Variants in MYO16 observed in about 807,000 individuals in gnomAD.
MYO16 encodes the protein unconventional myosin-XVI.
MYO16 carries 94 observed loss-of-function variants against 205.3 expected under a neutral mutation model. The observed-to-expected ratio is 0.46, with a 90% CI of 0.39 to 0.54. The LOEUF is 0.54. Among genes scored for constraint, MYO16 ranks in the 20% least tolerant of loss-of-function variants. The probability of loss-of-function intolerance (pLI) is 0.00; values close to 1 mark genes in which losing one functional copy is unlikely to be tolerated. For missense variants in MYO16, 2,315 were observed against 2,387.5 expected, an observed-to-expected ratio of 0.97 and a Z score of 0.63; for synonymous variants, 988 against 954.0, an observed-to-expected ratio of 1.04 and a Z score of -0.66.
At chr13:109,020,907 A>G (rs1241734536) in intron 23 of MYO16, among the ~76,000 whole-genome samples, 4 of 152,198 alleles carry the variant, frequency 2.6e-5, no homozygotes, top group African/African-American at 9.6e-5. Flanking sequence ...GCCTTCAAAT[A>G]TCTCAGCTTC....
At chr13:108,830,533 T>A (rs77343231) in intron 9 of MYO16, among the ~76,000 whole-genome samples, 3,781 of 147,398 alleles carry the variant, frequency 0.026, 128 homozygotes, top group East Asian at 0.11. Flanking sequence ...CACCGCATAT[T>A]CTCACTCATA....
chr13:108,971,471 G>A, intron 20 of MYO16, among the ~76,000 whole-genome samples: 1 of 150,344 alleles, frequency 6.7e-6, no homozygotes, highest in Non-Finnish European at 1.5e-5. Flanking sequence ...TAATCCTATA[G>A]AGGGTTATTT....
intron 23 of MYO16, among the ~76,000 whole-genome samples, chr13:109,035,155 A>G (rs865995790): frequency 2.3e-5 from 3 of 128,708 alleles, no homozygotes; most frequent in Admixed American, 8.7e-5. Context: ...TACCACAATA[A>G]CCAGGGATTT....
chr13:108,973,748 G>A (rs905798280), intron 20 of MYO16, among the ~76,000 whole-genome samples: 1 of 152,154 alleles, frequency 6.6e-6, no homozygotes, highest in Non-Finnish European at 1.5e-5. Flanking sequence ...GCATCTGACA[G>A]CACTTAAGAG....
intron 13 of MYO16, among the ~76,000 whole-genome samples, chr13:108,883,407 T>C (rs888096852): frequency 1.3e-5 from 2 of 152,214 alleles, no homozygotes; most frequent in African/African-American, 4.8e-5. Flanking sequence ...AAACTTAACC[T>C]GAAACTCATT....
chr13:109,115,064 AATGCTAT>A (rs1315027419), intron 28 of MYO16, among the ~76,000 whole-genome samples: 1 of 151,972 alleles, frequency 6.6e-6, no homozygotes, highest in Non-Finnish European at 1.5e-5. Context: ...TTCCTTTGTA[AATGCTAT>A]TTCAAAAGTA....
At chr13:109,200,580 G>T (rs1413193236) in intron 34 of MYO16, among the ~76,000 whole-genome samples, 3 of 152,000 alleles carry the variant, frequency 2.0e-5, no homozygotes, top group Non-Finnish European at 4.4e-5. Context: ...CTTTTATAAG[G>T]TACTTGGGAA....
intron 32 of MYO16, among the ~76,000 whole-genome samples, chr13:109,150,486 G>T (rs1484955615): frequency 1.3e-5 from 2 of 152,078 alleles, no homozygotes; most frequent in Non-Finnish European, 2.9e-5. Context: ...GATCAAAAAG[G>T]TACCCTATGA....
In MYO16 at chr13:108,924,313, G is replaced by C. The variant is rs1261933978; in HGVS notation, c.1925+14163G>C. ...CAATCTAAACGAAGCTTCCAAAACAGCTTAGAGCTGAGCTCCTGCTTTTCT... is the reference window on the plus strand; with the variant it reads ...CAATCTAAACGAAGCTTCCAAAACACCTTAGAGCTGAGCTCCTGCTTTTCT... On this transcript the variant is annotated intron_variant, in intron 16 of 34. Coordinates refer to ENST00000457511, the MANE Select transcript of MYO16 (RefSeq NM_001198950.3). Among the ~76,000 whole-genome samples, 3 of 152,204 alleles carry C rather than the reference G, an allele frequency of 2.0e-5. No homozygotes were observed. In the East Asian group the frequency reaches 5.8e-4, roughly 29 times the overall value.
the MYO16 span, among the ~76,000 whole-genome samples, chr13:108,581,122 A>G: frequency 2.1e-5 from 3 of 142,662 alleles, no homozygotes; most frequent in Non-Finnish European, 4.6e-5. Context: ...AATACAGTAC[A>G]TATAAACATT....
chr13:109,045,059 A>G (rs112968933), intron 23 of MYO16, among the ~76,000 whole-genome samples: 5 of 152,184 alleles, frequency 3.3e-5, no homozygotes, highest in African/African-American at 1.2e-4. Context: ...CATTTTACCA[A>G]GTAAGAAACT....
intron 6 of MYO16, among the ~76,000 whole-genome samples, chr13:108,800,466 C>T (rs539781744): frequency 6.6e-6 from 1 of 152,262 alleles, no homozygotes; most frequent in East Asian, 1.9e-4. Context: ...CTAGTGTGCC[C>T]TCAGTCTCGA....
chr13:108,593,383 T>C (rs1878454867), upstream of MYO16, among the ~76,000 whole-genome samples: 1 of 152,134 alleles, frequency 6.6e-6, no homozygotes, highest in African/African-American at 2.4e-5. Context: ...CAACGGATTC[T>C]GGGAATCAGT....
Position 108,666,165 on chromosome 13 carries a change from G to C in MYO16, c.292+16G>C, listed in dbSNP as rs1881720378. 6.3e-7 allele frequency: 1 copy of C among 1,575,314 alleles called. No homozygotes were observed. Among genetic ancestry groups the C allele is most frequent in the African/African-American group, 1.4e-5 (1 of 73,752 alleles). On this transcript the variant is annotated intron_variant, in intron 2 of 34. Transcript: ENST00000457511. ...GACAAAGAAGGTACATGATAAGAAA[G>C]AAGGACCCGTTTTCTGATGTGATTT...
At chr13:108,955,133 C>G (rs1031420224) in intron 16 of MYO16, among the ~76,000 whole-genome samples, 9 of 152,236 alleles carry the variant, frequency 5.9e-5, no homozygotes, top group Non-Finnish European at 1.2e-4. Context: ...CCCTGCTCCC[C>G]TGAGATGGCA....
rs1337678217 is a variant in MYO16 at position 108,629,664 on chromosome 13, C to G, written c.-181C>G. 1.8e-6 allele frequency: 1 copy of G among 549,488 alleles called. No individual in the cohort carries two copies. Among genetic ancestry groups the G allele is most frequent in the African/African-American group, 1.9e-5 (1 of 53,628 alleles). The allele number at this position is 549,488 out of a possible 1,614,324, so 34.0% of individuals were successfully genotyped here. ...AGAGGCTTATCTTAACTCCAGCTGC[C>G]GAATGAGAATGAGTTTGAAGCTTTT... On this transcript the variant is annotated 5_prime_UTR_variant, in exon 1 of 35. Coordinates refer to ENST00000457511, the MANE Select transcript of MYO16 (RefSeq NM_001198950.3).
intron 34 of MYO16, among the ~76,000 whole-genome samples, chr13:109,186,402 T>C (rs1006887442): frequency 1.3e-5 from 2 of 152,144 alleles, no homozygotes; most frequent in African/African-American, 2.4e-5. Context: ...ACAAGGCAGA[T>C]GGTGTTTTCC....
At chr13:108,911,387 G>A (rs957101356) in intron 16 of MYO16, among the ~76,000 whole-genome samples, 6 of 152,066 alleles carry the variant, frequency 3.9e-5, no homozygotes, top group Non-Finnish European at 8.8e-5. Flanking sequence ...TTTTAGATAC[G>A]TTAATCGAGA....
chr13:108,727,521 T>G lies in MYO16; in HGVS notation c.445T>G (p.Trp149Gly). The G allele has an allele frequency of 6.2e-7, 1 of 1,614,156 alleles. No homozygotes were observed. Among genetic ancestry groups the G allele is most frequent in the Non-Finnish European group, 8.5e-7 (1 of 1,180,002 alleles). ...CGTCAACCACCAGGATGAAGACTTC[T>G]GGACGCCCATGCACATTGCCTGTGC... ...VNVNHQDEDF[W>G]TPMHIACACD... The change falls in exon 4 of 35, where the codon TGG (tryptophan) becomes GGG (glycine). Residue 149 changes from tryptophan (W) to glycine (G), a missense_variant. Around this residue, in one of 3 missense-constraint regions of MYO16, gnomAD observed 1,213 missense variants for 1,274.4 expected, o/e 0.95. Transcript: ENST00000457511.
Sources: gnomAD v4.1 joint callset for allele counts (sites outside exome capture counted in the v4.1 genomes callset) on GRCh38, gnomAD v4.1.1 for gene constraint, gnomAD v4.1.1 regional missense constraint, MANE v1.5 for transcripts, NCBI Gene and HGNC (gene_info 2026-07-23, HGNC 2026-07-21) for gene names.